The following LRRC56 variants were observed in gnomAD, a reference collection of about 807,000 sequenced individuals.
The protein encoded by LRRC56 is leucine rich repeat containing 56.
A neutral mutation model predicts 47.8 loss-of-function variants in LRRC56; 41 were observed. The ratio of observed to expected loss-of-function variants is 0.86; its 90% CI spans 0.67 to 1.11. The LOEUF (loss-of-function observed/expected upper bound fraction) is 1.11. Among genes scored for constraint, LRRC56 ranks in the 50% most tolerant of loss-of-function variants. The pLI is 0.00. For synonymous variants in LRRC56, 387 were observed against 311.2 expected (o/e 1.24, Z -2.56); for missense variants, 759 against 704.2 (o/e 1.08, Z -0.88).
At chr11:512,391 A>G in the LRRC56 span, among the ~76,000 whole-genome samples, 1 of 151,716 alleles carries the variant, frequency 6.6e-6, no homozygotes, top group African/African-American at 2.4e-5. Context: ...CCGCCACCAC[A>G]CTTGGCTAAT....
the LRRC56 span, among the ~76,000 whole-genome samples, chr11:513,694 T>C: frequency 6.6e-6 from 1 of 151,872 alleles, no homozygotes; most frequent in East Asian, 1.9e-4. Context: ...GCTTTATTGT[T>C]GTCTTATTTT....
At chr11:534,467 C>T (rs560319654), upstream of LRRC56, 3 of 666,522 alleles carry the variant, frequency 4.5e-6, no homozygotes, top group African/African-American at 5.4e-5. Flanking sequence ...GGCAAACCCA[C>T]AGCGGTCCCT....
chr11:524,570 G>T, the LRRC56 span, among the ~76,000 whole-genome samples: 2 of 152,102 alleles, frequency 1.3e-5, no homozygotes, highest in Middle Eastern at 3.2e-3. Context: ...GGCGGAGGTT[G>T]TAGTAAGCCG....
upstream of LRRC56, among the ~76,000 whole-genome samples, chr11:536,015 G>A (rs1215679194): frequency 6.6e-6 from 1 of 152,190 alleles, no homozygotes; most frequent in Non-Finnish European, 1.5e-5. Context: ...CGGGATGCTC[G>A]GAGCTGGGGG....
chr11:531,905 A>G, the LRRC56 span, among the ~76,000 whole-genome samples: 2 of 152,224 alleles, frequency 1.3e-5, no homozygotes, highest in East Asian at 3.8e-4. Context: ...CTCACCGCCA[A>G]GAAGGCTCCC....
upstream of LRRC56, among the ~76,000 whole-genome samples, chr11:534,973 G>T (rs1329115093): frequency 6.6e-6 from 1 of 152,242 alleles, no homozygotes; most frequent in Admixed American, 6.5e-5. Context: ...GACAGGAAGG[G>T]GCCGAGAAGC....
Position 545,877 on chromosome 11 carries a change from A to T in LRRC56, c.326+1097A>T, listed in dbSNP as rs535648855. On this transcript the variant is annotated intron_variant, in intron 6 of 13. Transcript: ENST00000270115. ...CTGTGTGAATTGGGCTCCAAGGGCC[A>T]CATCTAGTTATTTCCAGATGAGGAT... Among the ~76,000 whole-genome samples the T allele has an allele frequency of 2.6e-5, 4 of 152,356 alleles. No homozygotes were observed. The South Asian group carries it at 8.3e-4, about 32-fold the overall frequency.
At chr11:510,326 G>A in the LRRC56 span, among the ~76,000 whole-genome samples, 3 of 152,224 alleles carry the variant, frequency 2.0e-5, no homozygotes, top group Non-Finnish European at 4.4e-5. Context: ...CTCAGGTCAG[G>A]CACGGTGGCT....
chr11:533,311 G>C (rs377676071), upstream of LRRC56: 79 of 1,602,122 alleles, frequency 4.9e-5, no homozygotes, highest in Non-Finnish European at 6.1e-5. Flanking sequence ...TGGGTCCCGG[G>C]GGGTCCCAGA....
chr11:517,420 G>A, the LRRC56 span, among the ~76,000 whole-genome samples: 9 of 151,152 alleles, frequency 6.0e-5, no homozygotes, highest in African/African-American at 9.7e-5. Flanking sequence ...TGGCTGCCCC[G>A]TCTGGGAGTT....
chr11:510,534 T>G, the LRRC56 span, among the ~76,000 whole-genome samples: 1 of 151,618 alleles, frequency 6.6e-6, no homozygotes, highest in African/African-American at 2.4e-5. Flanking sequence ...GGTCGGGAGT[T>G]CAAGACCAGC....
chr11:524,451 G>A, the LRRC56 span, among the ~76,000 whole-genome samples: 5 of 151,976 alleles, frequency 3.3e-5, no homozygotes, highest in African/African-American at 9.7e-5. Flanking sequence ...GACCAACATC[G>A]AGAAACCCCG....
the LRRC56 span, among the ~76,000 whole-genome samples, chr11:515,487 T>G: frequency 6.6e-6 from 1 of 152,168 alleles, no homozygotes; most frequent in African/African-American, 2.4e-5. Flanking sequence ...CACACTGACA[T>G]CCTCCTTTTC....
In LRRC56 at chr11:551,921, G is replaced by A. The variant is rs1441960613; in HGVS notation, c.992G>A (p.Cys331Tyr). The A allele has an allele frequency of 6.2e-7, 1 of 1,612,748 alleles. No individual in the cohort carries two copies. The highest frequency in any genetic ancestry group is 2.2e-5 in the East Asian group (1 of 44,886). Reference protein sequence around the residue: ...SLTHGAGQVLCGNPTKGLRER... With the variant: ...SLTHGAGQVLYGNPTKGLRER... ...CTTGCAGGTGCTGGCCAAGTCCTCT[G>A]TGGGAACCCCACCAAGGGCCTGCGG... is the stretch of plus-strand genomic sequence containing the variant. Residue 331 changes from cysteine to tyrosine, a missense_variant, in exon 11 of 14, where the codon TGT becomes TAT. Transcript: ENST00000270115.
the LRRC56 span, among the ~76,000 whole-genome samples, chr11:525,774 C>G: frequency 6.6e-3 from 1,011 of 152,176 alleles, 24 homozygotes; most frequent in African/African-American, 0.023. Flanking sequence ...CTGGTGCACG[C>G]CTGTAGTCCT....
chr11:511,661 G>A, the LRRC56 span, among the ~76,000 whole-genome samples: 5 of 152,204 alleles, frequency 3.3e-5, no homozygotes, highest in Non-Finnish European at 7.3e-5. Flanking sequence ...CAGACCAGTC[G>A]GCAGGACAGT....
At chr11:533,634 C>T (rs2133988405), upstream of LRRC56, 1 of 1,613,582 alleles carries the variant, frequency 6.2e-7, no homozygotes, top group South Asian at 1.1e-5. Flanking sequence ...AAAGCGAGAG[C>T]TGGCTACGGG....
In LRRC56 at chr11:544,783, G is replaced by A. The variant is rs1244737933; in HGVS notation, c.326+3G>A. 8 of 1,611,814 alleles carry A rather than the reference G, an allele frequency of 5.0e-6. No individual in the cohort carries two copies. In the East Asian group the frequency reaches 1.6e-4, roughly 31 times the overall value. On this transcript the variant is annotated splice_donor_region_variant and intron_variant, in intron 6 of 13. Coordinates refer to ENST00000270115, the MANE Select transcript of LRRC56 (RefSeq NM_198075.4). ...GGCAGCCACCTGGGCTCCCTGAGGT[G>A]AGCGCCTGAGGGGGGTGGGCTGGGG...
chr11:534,100 C>G (rs888029805), upstream of LRRC56: 89 of 1,164,792 alleles, frequency 7.6e-5, no homozygotes, highest in African/African-American at 1.1e-3. Flanking sequence ...AAGCAGGAGA[C>G]AGGGCCACAG....
Sources: gnomAD v4.1 joint callset for allele counts (sites outside exome capture counted in the v4.1 genomes callset) on GRCh38, gnomAD v4.1.1 for gene constraint, MANE v1.5 for transcripts, NCBI Gene and HGNC (gene_info 2026-07-23, HGNC 2026-07-21) for gene names.